The following CEP290 variants were observed in gnomAD, a reference collection of about 807,000 sequenced individuals.
CEP290 encodes centrosomal protein of 290 kDa.
Under a neutral mutation model 344.9 loss-of-function variants are expected in CEP290, and 317 were observed. That is an observed-to-expected ratio of 0.92 (90% CI 0.84 to 1.01). CEP290 has a LOEUF of 1.01. CEP290 is among the 50% of genes least tolerant of loss of function. The pLI is 0.00. For missense variants in CEP290, 2,754 were observed against 2,761.4 expected (o/e 1.00, Z 0.06); for synonymous variants, 932 against 895.8 (o/e 1.04, Z -0.72).
chr12:88,077,426 C>T, intron 40 of CEP290, 82 bp from the exon 41 acceptor site: 4 of 945,722 alleles, frequency 4.2e-6, no homozygotes, highest in Non-Finnish European at 6.1e-6. Flanking sequence ...TATATAATAG[C>T]AACTTTCTGA....
chr12:88,125,098 G>A (rs2039649591), intron 13 of CEP290, 148 bp downstream of exon 13: 1 of 282,180 alleles, frequency 3.5e-6, no homozygotes, highest in African/African-American at 2.2e-5. Context: ...AGTAATATAA[G>A]TATAATAATA....
At chr12:88,079,361 C>T (rs1192193843) in intron 38 of CEP290, 132 bp from the exon 39 acceptor site, 1 of 654,504 alleles carries the variant, frequency 1.5e-6, no homozygotes, top group Non-Finnish European at 2.4e-6. Flanking sequence ...TTTAATGGAA[C>T]ATATTTCACA....
At chr12:88,049,895 T>C (rs2033322593) in intron 53 of CEP290, 1 of 159,116 alleles carries the variant, frequency 6.3e-6, no homozygotes. Flanking sequence ...AGGCATCTGG[T>C]GAAGAGACAA....
At chr12:88,090,574 G>A (rs546099377) in intron 30 of CEP290, among the ~76,000 whole-genome samples, 154 bp downstream of exon 30, 3 of 152,302 alleles carry the variant, frequency 2.0e-5, no homozygotes, top group South Asian at 2.1e-4. Flanking sequence ...AGGCTGCAAT[G>A]AGCCTTGAAT....
Position 88,067,334 on chromosome 12 carries a change from C to CA in CEP290, c.6135+1187dup, listed in dbSNP as rs569078962. ...GTTAATGCTTTTTCTAAATCTTACA[C>CA]ACTTTCCCATTTGCACTATATATGT... On this transcript the variant is annotated intron_variant, in intron 44 of 53. Transcript: ENST00000552810. 1.1e-4 allele frequency among the ~76,000 whole-genome samples: 17 copies of CA among 152,286 alleles called. No individual in the cohort carries two copies. In the South Asian group the frequency reaches 3.3e-3, roughly 30 times the overall value.
intron 38 of CEP290, 31 bp downstream of exon 38, chr12:88,080,150 CT>C (rs762458749): frequency 7.0e-7 from 1 of 1,438,084 alleles, no homozygotes; most frequent in Admixed American, 2.2e-5. Flanking sequence ...CATATTTTTC[CT>C]AAATGTTGAT....
intron 44 of CEP290, among the ~76,000 whole-genome samples, chr12:88,064,823 T>C (rs1340484035): frequency 6.6e-6 from 1 of 152,136 alleles, no homozygotes; most frequent in African/African-American, 2.4e-5. Context: ...TAAATTTCTA[T>C]TGTTTAAGCC....
At chr12:88,087,980 C>T (rs1054053534) in intron 31 of CEP290, 36 bp from the exon 32 acceptor site, 8 of 839,036 alleles carry the variant, frequency 9.5e-6, no homozygotes, top group Admixed American at 4.3e-5. Context: ...AATATAAATG[C>T]TATATTAACA....
intron 49 of CEP290, 43 bp downstream of exon 49, chr12:88,058,805 T>G: frequency 1.3e-6 from 2 of 1,593,122 alleles, no homozygotes; most frequent in Non-Finnish European, 1.7e-6. Flanking sequence ...TGCCAAAATT[T>G]GAAATGATTA....
intron 31 of CEP290, 117 bp from the exon 32 acceptor site, chr12:88,088,061 C>A (rs1055513603): frequency 2.4e-6 from 1 of 415,180 alleles, no homozygotes. Context: ...AAATAAGACA[C>A]AATGTTATCT....
rs1427800992 is a variant in CEP290, at chr12:88,064,232, G to A, written c.6136-117C>T. ...ACTTTTTTTCCTCAAAGGAATATGA[G>A]AAAATCGGAGTGTTCTGGTGAAAGC... On this transcript the variant is annotated intron_variant, in intron 44 of 53. Coordinates refer to ENST00000552810, the MANE Select transcript of CEP290 (RefSeq NM_025114.4). 6 of 823,518 alleles carry A rather than the reference G, an allele frequency of 7.3e-6. No homozygotes were observed. In the Admixed American group the frequency reaches 2.0e-4, roughly 27 times the overall value. 51.0% of individuals were successfully genotyped at this position (823,518 alleles called of 1,614,324 possible).
chr12:88,060,999 GA>G lies in CEP290; in HGVS notation c.6358-6del. ...TGTCTTTCCACTTCTACCAGACTAC[GA>G]AAGAATATGTTAAATCTTTAATCAA... On this transcript the variant is annotated splice_region_variant and splice_polypyrimidine_tract_variant and intron_variant, in intron 46 of 53. Coordinates refer to ENST00000552810, the MANE Select transcript of CEP290 (RefSeq NM_025114.4). 6.5e-7 allele frequency: 1 copy of G among 1,532,618 alleles called. No homozygotes were observed. Among genetic ancestry groups the G allele is most frequent in the Non-Finnish European group, 8.8e-7 (1 of 1,139,742 alleles). The allele number at this position is 1,532,618 out of a possible 1,614,324, so 94.9% of individuals were successfully genotyped here. A position where few individuals can be genotyped will look rare whatever the true frequency, so the allele number is the denominator to read the frequency against.
rs1391758612 is a variant in CEP290, at chr12:88,141,966, G to A, written c.-94C>T. On this transcript the variant is annotated 5_prime_UTR_variant, in exon 1 of 54. Transcript: ENST00000552810. ...CAACCACCAAGCTGGACCCGGCCGCGGGCCCTGACAGATCCCTATCGCGGT... is the reference window on the plus strand; with the variant it reads ...CAACCACCAAGCTGGACCCGGCCGCAGGCCCTGACAGATCCCTATCGCGGT... The A allele has an allele frequency of 6.6e-6, 1 of 152,356 alleles. No homozygotes were observed. Among genetic ancestry groups the A allele is most frequent in the Non-Finnish European group, 1.5e-5 (1 of 68,182 alleles). The allele number at this position is 152,356 out of a possible 1,614,324, so 9.4% of individuals were successfully genotyped here. A position where few individuals can be genotyped will look rare whatever the true frequency, so the allele number is the denominator to read the frequency against.
At chr12:88,066,613 T>C (rs1211788821) in intron 44 of CEP290, among the ~76,000 whole-genome samples, 2 of 151,406 alleles carry the variant, frequency 1.3e-5, no homozygotes, top group East Asian at 3.9e-4. Flanking sequence ...ATGTGAAAAA[T>C]ATACTTAGGC....
chr12:88,116,139 A>G, intron 18 of CEP290: 6 of 823,362 alleles, frequency 7.3e-6, no homozygotes, highest in Non-Finnish European at 8.8e-6. Flanking sequence ...TTTTTGTACA[A>G]AACTAGTCTT....
At chr12:88,073,172 G>C (rs2035511554) in intron 41 of CEP290, among the ~76,000 whole-genome samples, 1 of 151,984 alleles carries the variant, frequency 6.6e-6, no homozygotes, top group African/African-American at 2.4e-5. Context: ...ATTTTTTAAT[G>C]GTTTTACTAT....
In CEP290 at chr12:88,071,333, T is replaced by C. The variant is rs1178644600; in HGVS notation, c.5972A>G (p.Lys1991Arg). ...ATCATTTTCTAAGTCAAGATTTCTC[T>C]TTTTTAATTCTTCCAATTCTTTTTC... is the stretch of plus-strand genomic sequence containing the variant. ...ESEKELEELK[K>R]RNLDLENDIL... The change falls in exon 43 of 54, where the codon AAG becomes AGG. Residue 1991 changes from lysine (K) to arginine (R), a missense_variant. By Grantham distance (26) the Lys-to-Arg change is conservative. Coordinates refer to ENST00000552810, the MANE Select transcript of CEP290 (RefSeq NM_025114.4). 2.5e-6 allele frequency: 4 copies of C among 1,608,246 alleles called. No homozygotes were observed. In the Admixed American group the frequency reaches 5.0e-5, roughly 20 times the overall value.
At chr12:88,115,947 T>G (rs80222135) in intron 18 of CEP290, 1 of 984,748 alleles carries the variant, frequency 1.0e-6, no homozygotes, top group Non-Finnish European at 1.2e-6. Context: ...TTCTTTCAAA[T>G]TGATATCAGC....
intron 5 of CEP290, 95 bp from the exon 6 acceptor site, chr12:88,136,881 T>C (rs534158768): frequency 8.8e-7 from 1 of 1,135,824 alleles, no homozygotes; most frequent in East Asian, 2.5e-5. Flanking sequence ...GAATTTAAAT[T>C]TGCATTATAC....
Sources: allele counts gnomAD v4.1 joint callset (sites outside exome capture counted in the v4.1 genomes callset), GRCh38; gene constraint gnomAD v4.1.1; transcripts MANE v1.5; gene names NCBI Gene and HGNC (gene_info 2026-07-23, HGNC 2026-07-21).